The following TXNL1 variants were observed in gnomAD, a reference collection of about 807,000 sequenced individuals.
The protein encoded by TXNL1 is thioredoxin like 1.
Under a neutral mutation model 35.5 loss-of-function variants are expected in TXNL1, and 14 were observed. That is an observed-to-expected ratio of 0.39 (90% CI 0.26 to 0.62). The LOEUF (loss-of-function observed/expected upper bound fraction) is 0.62. TXNL1 is among the 20% of genes least tolerant of loss of function. The pLI is 0.47. For synonymous variants in TXNL1, 110 were observed against 115.5 expected (o/e 0.95, Z 0.31); for missense variants, 263 against 349.7 (o/e 0.75, Z 1.98).
intron 1 of TXNL1, among the ~76,000 whole-genome samples, chr18:56,637,235 A>C (rs904830550): frequency 3.3e-5 from 5 of 152,178 alleles, no homozygotes; most frequent in African/African-American, 1.2e-4. Flanking sequence ...CATTTAGTGA[A>C]CCATCTAGTA....
At chr18:56,625,460 C>T (rs151074788) in intron 2 of TXNL1, among the ~76,000 whole-genome samples, 14 of 152,014 alleles carry the variant, frequency 9.2e-5, no homozygotes, top group East Asian at 5.8e-4. Context: ...TTATACTTTC[C>T]GTACATATCA....
At chr18:56,614,018 T>A (rs1465118855) in intron 6 of TXNL1, among the ~76,000 whole-genome samples, 1 of 151,622 alleles carries the variant, frequency 6.6e-6, no homozygotes, top group East Asian at 1.9e-4. Flanking sequence ...AATAAATAAA[T>A]AAAAAGTCAT....
chr18:56,637,015 T>A (rs1299751472), intron 1 of TXNL1, among the ~76,000 whole-genome samples: 1 of 152,210 alleles, frequency 6.6e-6, no homozygotes, highest in African/African-American at 2.4e-5. Context: ...TTTATATATA[T>A]GACATCACTT....
At position 56,614,409 on chromosome 18, in the gene TXNL1, C is replaced by T. The variant is rs754991962; in HGVS notation, c.735+15G>A. On this transcript the variant is annotated intron_variant, in intron 6 of 7. Transcript: ENST00000217515. ...CACAAACCTATTAAATACATATGAA[C>T]GAAATACTACTTACAGTTACACTGT... is the stretch of plus-strand genomic sequence containing the variant. 22 of 1,607,418 alleles carry T rather than the reference C, an allele frequency of 1.4e-5. No homozygotes were observed. The highest frequency in any genetic ancestry group is 4.5e-5 in the East Asian group (2 of 44,736).
At chr18:56,620,178 C>T (rs958725249) in intron 3 of TXNL1, among the ~76,000 whole-genome samples, 3 of 152,090 alleles carry the variant, frequency 2.0e-5, no homozygotes, top group African/African-American at 7.2e-5. Flanking sequence ...AATGGCCAGG[C>T]TGGTCTCCAA....
intron 1 of TXNL1, among the ~76,000 whole-genome samples, chr18:56,631,655 A>G (rs1192050593): frequency 6.6e-6 from 1 of 152,216 alleles, no homozygotes; most frequent in Non-Finnish European, 1.5e-5. Flanking sequence ...GCAGTGGCTC[A>G]CGCCTGTAAT....
At chr18:56,616,514 A>C (rs2024089347) in intron 4 of TXNL1, among the ~76,000 whole-genome samples, 200 bp from the exon 5 acceptor site, 1 of 152,218 alleles carries the variant, frequency 6.6e-6, no homozygotes, top group African/African-American at 2.4e-5. Context: ...TTAGTTATGT[A>C]TATAAGGGAA....
At chr18:56,606,769 A>G (rs2023902637) in intron 7 of TXNL1, among the ~76,000 whole-genome samples, 1 of 152,232 alleles carries the variant, frequency 6.6e-6, no homozygotes, top group African/African-American at 2.4e-5. Context: ...TATCTACAAG[A>G]ATATAAACTG....
In TXNL1 at chr18:56,601,381, A is replaced by G. The variant is rs1208936034; in HGVS notation, c.*1646T>C. On this transcript the variant is annotated 3_prime_UTR_variant, in exon 8 of 8. Coordinates refer to ENST00000217515, the MANE Select transcript of TXNL1 (RefSeq NM_004786.3). The stretch of plus-strand genomic sequence containing the variant: ...GAAATTTGTTTCACTGGGTTTTCAA[A>G]CTATCAAGTATAAATAGGAAAAGGT... The G allele has an allele frequency of 6.6e-6, 1 of 152,238 alleles. No homozygotes were observed. Among genetic ancestry groups the G allele is most frequent in the African/African-American group, 2.4e-5 (1 of 41,462 alleles). The allele number at this position is 152,238 out of a possible 1,614,324, so 9.4% of individuals were successfully genotyped here. A position where few individuals can be genotyped will look rare whatever the true frequency, so the allele number is the denominator to read the frequency against.
chr18:56,610,943 C>T, intron 7 of TXNL1, 50 bp downstream of exon 7: 2 of 1,183,522 alleles, frequency 1.7e-6, no homozygotes, highest in Non-Finnish European at 2.4e-6. Context: ...GAAATTATTC[C>T]ATTAAAATTA....
intron 3 of TXNL1, among the ~76,000 whole-genome samples, chr18:56,619,316 T>C (rs1220798140): frequency 1.3e-5 from 2 of 150,240 alleles, no homozygotes; most frequent in African/African-American, 2.5e-5. Context: ...GGCGGGTGAA[T>C]CGCCTGAGGT....
At position 56,607,799 on chromosome 18, in the gene TXNL1, T is replaced by C. The variant is rs556676515; in HGVS notation, c.840+3194A>G. 2.6e-5 allele frequency among the ~76,000 whole-genome samples: 4 copies of C among 152,290 alleles called. No individual in the cohort carries two copies. In the East Asian group the frequency reaches 5.8e-4, roughly 22 times the overall value. Reference sequence around the variant, plus strand: ...TGAACCCGGGAGGCAGAGGTTGCAGTGAGCTGAGATCGCACCATTGCACTA... The same window carrying C: ...TGAACCCGGGAGGCAGAGGTTGCAGCGAGCTGAGATCGCACCATTGCACTA... On this transcript the variant is annotated intron_variant, in intron 7 of 7. Coordinates refer to ENST00000217515, the MANE Select transcript of TXNL1 (RefSeq NM_004786.3).
At chr18:56,621,644 TAATCA>T in intron 3 of TXNL1, among the ~76,000 whole-genome samples, 1 of 152,318 alleles carries the variant, frequency 6.6e-6, no homozygotes, top group Admixed American at 6.5e-5. Context: ...GCTACCTTTA[TAATCA>T]ACATGCCAAT....
intron 1 of TXNL1, among the ~76,000 whole-genome samples, chr18:56,626,795 G>GTTTTTTT (rs1221334957): frequency 1.4e-4 from 4 of 29,042 alleles, no homozygotes; most frequent in East Asian, 1.4e-3. Context: ...CACCAAGCCG[G>GTTTTTTT]TCTTTTTTTT....
At chr18:56,623,251 A>T (rs1224891534) in intron 3 of TXNL1, among the ~76,000 whole-genome samples, 2 of 152,156 alleles carry the variant, frequency 1.3e-5, no homozygotes, top group East Asian at 3.9e-4. Flanking sequence ...AACATGGTGA[A>T]ACCTCGTCTC....
intron 3 of TXNL1, among the ~76,000 whole-genome samples, chr18:56,621,391 CTG>C (rs2024181756): frequency 6.6e-6 from 1 of 151,888 alleles, no homozygotes; most frequent in Non-Finnish European, 1.5e-5. Context: ...GATGGGGTTT[CTG>C]ATGTTGGCCA....
chr18:56,628,195 G>A (rs2024317065), intron 1 of TXNL1, among the ~76,000 whole-genome samples: 1 of 152,032 alleles, frequency 6.6e-6, no homozygotes, highest in South Asian at 2.1e-4. Context: ...AACCAACTCA[G>A]CAAAAATAGC....
intron 3 of TXNL1, among the ~76,000 whole-genome samples, chr18:56,623,425 C>CAAAA (rs74182150): frequency 2.1e-5 from 2 of 96,942 alleles, no homozygotes; most frequent in Non-Finnish European, 2.1e-5. Flanking sequence ...GACTCCGCCT[C>CAAAA]AAAAAAAAAA....
At chr18:56,613,428 T>G (rs1186810916) in intron 6 of TXNL1, among the ~76,000 whole-genome samples, 1 of 152,162 alleles carries the variant, frequency 6.6e-6, no homozygotes, top group African/African-American at 2.4e-5. Flanking sequence ...TAAAAGCAAT[T>G]AATAACTGCT....
Sources: allele counts gnomAD v4.1 joint callset (sites outside exome capture counted in the v4.1 genomes callset), GRCh38; gene constraint gnomAD v4.1.1; transcripts MANE v1.5; gene names NCBI Gene and HGNC (gene_info 2026-07-23, HGNC 2026-07-21).